CYFIP1: variants seen among roughly 807,000 people sequenced by gnomAD.
CYFIP1 encodes cytoplasmic FMR1 interacting protein 1.
A neutral mutation model predicts 163.5 loss-of-function variants in CYFIP1; 58 were observed. The observed-to-expected ratio is 0.35, with a 90% CI of 0.29 to 0.44. The LOEUF is 0.44. Ranked by LOEUF, CYFIP1 falls within the 20% of genes least tolerant of loss-of-function variation. The pLI, the probability that CYFIP1 is intolerant of heterozygous loss-of-function variation, is 1.00. For synonymous variants in CYFIP1, 663 were observed against 660.7 expected, an observed-to-expected ratio of 1.00 and a Z score of -0.05; for missense variants, 1,338 against 1,653.8, an observed-to-expected ratio of 0.81 and a Z score of 3.31.
At chr15:22,940,761 C>A (rs939543637) in intron 6 of CYFIP1, among the ~76,000 whole-genome samples, 1 of 152,166 alleles carries the variant, frequency 6.6e-6, no homozygotes, top group Non-Finnish European at 1.5e-5. Flanking sequence ...GTTTCCAGGG[C>A]GGGGCATGGT....
rs113226886 is a variant in CYFIP1, at chr15:22,970,085, T to C, written c.-7+10202A>G. On this transcript the variant is annotated intron_variant, in intron 1 of 30. Transcript: ENST00000617928. ...AAGCAACATGTAAAAATCAGTTGCA[T>C]TTCTATATTTTAGCAATGAACAATC... Among the ~76,000 whole-genome samples the C allele has an allele frequency of 8.8e-3, 1,338 of 152,306 alleles. 27 individuals are homozygous for C. The highest frequency in any genetic ancestry group is 0.03 in the African/African-American group (1,263 of 41,570).
intron 3 of CYFIP1, 86 bp from the exon 4 acceptor site, chr15:22,945,025 G>T: frequency 1.6e-6 from 2 of 1,224,088 alleles, no homozygotes; most frequent in Non-Finnish European, 2.4e-6. Context: ...CAGACAAAGC[G>T]CCACAAACTA....
chr15:22,934,215 C>G lies in CYFIP1; in HGVS notation c.901-322G>C, dbSNP rs1236932865. Reference sequence around the variant, plus strand: ...TTTTTTTTTTTTTTTGAGACAGAGTCTCGCTCTGTCGCCCAGGCTGGAGTG... The same window carrying G: ...TTTTTTTTTTTTTTTGAGACAGAGTGTCGCTCTGTCGCCCAGGCTGGAGTG... On this transcript the variant is annotated intron_variant, in intron 9 of 30. Transcript: ENST00000617928. 2.9e-5 allele frequency among the ~76,000 whole-genome samples: 3 copies of G among 102,262 alleles called. No homozygotes were observed. The Admixed American group carries it at 4.7e-4, about 16-fold the overall frequency. The allele number at this position is 102,262 out of a possible 152,430, so 67.1% of individuals were successfully genotyped here. A position where few individuals can be genotyped will look rare whatever the true frequency, so the allele number is the denominator to read the frequency against.
chr15:22,950,580 G>A (rs2062215388), intron 1 of CYFIP1, among the ~76,000 whole-genome samples: 1 of 152,172 alleles, frequency 6.6e-6, no homozygotes, highest in Non-Finnish European at 1.5e-5. Context: ...GAGGTCAACT[G>A]CACTCCAAAA....
intron 1 of CYFIP1, 115 bp downstream of exon 1, chr15:22,980,172 G>C (rs1162233790): frequency 1.4e-5 from 2 of 145,014 alleles, no homozygotes; most frequent in Non-Finnish European, 3.1e-5. Flanking sequence ...CCGGGGTTGG[G>C]GGGGAGGGGG....
At chr15:22,895,955 C>T (rs977723055) in intron 22 of CYFIP1, among the ~76,000 whole-genome samples, 1 of 152,192 alleles carries the variant, frequency 6.6e-6, no homozygotes, top group African/African-American at 2.4e-5. Context: ...CACATCCTTC[C>T]AACAAGCATC....
rs543394104 is a variant in CYFIP1, at chr15:22,887,948, C to A, written c.2677-4937G>T. Among the ~76,000 whole-genome samples, 23 of 152,262 alleles carry A rather than the reference C, an allele frequency of 1.5e-4. No individual in the cohort carries two copies. In the East Asian group the frequency reaches 4.4e-3, roughly 29 times the overall value. ...CAGAGCCGGCTCTGGACTCGCCAGTCGTGCAACTTGGGTGCTCTAACTTTC... is the reference window on the plus strand; with the variant it reads ...CAGAGCCGGCTCTGGACTCGCCAGTAGTGCAACTTGGGTGCTCTAACTTTC... On this transcript the variant is annotated intron_variant, in intron 23 of 30. Coordinates refer to ENST00000617928, the MANE Select transcript of CYFIP1 (RefSeq NM_014608.6).
intron 1 of CYFIP1, among the ~76,000 whole-genome samples, chr15:22,966,373 CA>C (rs35976278): frequency 2.8e-3 from 270 of 96,864 alleles, no homozygotes; most frequent in Middle Eastern, 5.6e-3. Flanking sequence ...AACTCCGTCT[CA>C]AAAAAAAAAA....
chr15:22,884,766 C>G (rs2059881947), intron 23 of CYFIP1, among the ~76,000 whole-genome samples: 1 of 152,176 alleles, frequency 6.6e-6, no homozygotes, highest in Non-Finnish European at 1.5e-5. Flanking sequence ...TGGCTCCACC[C>G]CCACAGCAAA....
At chr15:22,893,296 G>A (rs2060131745) in intron 22 of CYFIP1, among the ~76,000 whole-genome samples, 2 of 152,204 alleles carry the variant, frequency 1.3e-5, no homozygotes, top group South Asian at 4.1e-4. Context: ...GGCGAGGACG[G>A]TGGGGCAGCT....
In CYFIP1 at chr15:22,946,573, G is replaced by A. The variant is rs773016287; in HGVS notation, c.207+430C>T. 2.9e-5 allele frequency: 9 copies of A among 307,954 alleles called. 1 individual carries two copies. The highest frequency in any genetic ancestry group is 6.3e-4 in the Middle Eastern group (1 of 1,600). 19.1% of individuals were successfully genotyped at this position (307,954 alleles called of 1,614,324 possible). On this transcript the variant is annotated intron_variant, in intron 3 of 30. Coordinates refer to ENST00000617928, the MANE Select transcript of CYFIP1 (RefSeq NM_014608.6). ...CAAGAACTGCTTGAACCTGGGAGGC[G>A]GAGGTTGCAGTGAACCAAGATCGCG...
chr15:22,976,025 A>G (rs1219478661), intron 1 of CYFIP1, among the ~76,000 whole-genome samples: 2 of 152,178 alleles, frequency 1.3e-5, no homozygotes, highest in Non-Finnish European at 2.9e-5. Flanking sequence ...TGACCATGGT[A>G]TGTTCCCCCA....
In CYFIP1 at chr15:22,868,425, A is replaced by ATATT. The variant is rs771870739; in HGVS notation, c.*1599_*1602dup. ...GATTGTCTTATACCTAAGGTATTAC[A>ATATT]TATTTGGTATATAATTAAGCCTTAT... On this transcript the variant is annotated 3_prime_UTR_variant, in exon 31 of 31. Coordinates refer to ENST00000617928, the MANE Select transcript of CYFIP1 (RefSeq NM_014608.6). 1 of 152,312 alleles carries ATATT rather than the reference A, an allele frequency of 6.6e-6. No individual in the cohort carries two copies. The highest frequency in any genetic ancestry group is 2.4e-5 in the African/African-American group (1 of 41,542). 9.4% of individuals were successfully genotyped at this position (152,312 alleles called of 1,614,324 possible). A position where few individuals can be genotyped will look rare whatever the true frequency, so the allele number is the denominator to read the frequency against.
intron 28 of CYFIP1, 65 bp downstream of exon 28, chr15:22,874,485 C>A: frequency 7.5e-7 from 1 of 1,325,278 alleles, no homozygotes; most frequent in Non-Finnish European, 1.0e-6. Flanking sequence ...GGCTCCCAAC[C>A]AGGCCACCTG....
chr15:22,901,505 G>A (rs886332096), intron 22 of CYFIP1, among the ~76,000 whole-genome samples: 12 of 152,178 alleles, frequency 7.9e-5, no homozygotes, highest in African/African-American at 2.9e-4. Context: ...CTGAGGACAC[G>A]CCCTCCATCT....
chr15:22,898,795 A>AG (rs751754547), intron 22 of CYFIP1, among the ~76,000 whole-genome samples: 42 of 152,146 alleles, frequency 2.8e-4, no homozygotes, highest in East Asian at 1.5e-3. Flanking sequence ...TGAGGTCAGG[A>AG]GATCAAGACC....
intron 1 of CYFIP1, among the ~76,000 whole-genome samples, chr15:22,954,910 C>T (rs117712006): frequency 0.019 from 2,881 of 152,246 alleles, 38 homozygotes; most frequent in South Asian, 0.032. Flanking sequence ...TCTCATGGGT[C>T]GGGATGCACC....
chr15:22,946,377 A>G (rs1452328477), intron 3 of CYFIP1, among the ~76,000 whole-genome samples: 2 of 151,922 alleles, frequency 1.3e-5, no homozygotes, highest in Non-Finnish European at 2.9e-5. Flanking sequence ...GTGGTGGCTC[A>G]TGCCTGTAAT....
chr15:22,892,282 T>G (rs1042864770), intron 23 of CYFIP1, among the ~76,000 whole-genome samples: 2 of 152,230 alleles, frequency 1.3e-5, no homozygotes, highest in Non-Finnish European at 1.5e-5. Context: ...ATCACACGGG[T>G]GCTTGAAACG....
Sources: gnomAD v4.1 joint callset for allele counts (sites outside exome capture counted in the v4.1 genomes callset) on GRCh38, gnomAD v4.1.1 for gene constraint, MANE v1.5 for transcripts, NCBI Gene and HGNC (gene_info 2026-07-23, HGNC 2026-07-21) for gene names.